Variants in SIAH3 observed in about 807,000 individuals in gnomAD.
SIAH3 encodes the protein seven in absentia homolog 3.
SIAH3 carries 9 observed loss-of-function variants against 12.6 expected under a neutral mutation model. The observed-to-expected ratio is 0.72, with a 90% CI of 0.43 to 1.25. The LOEUF (loss-of-function observed/expected upper bound fraction) is 1.25, where lower values mean the gene tolerates loss of function less well. Ranked by LOEUF, SIAH3 falls within the 50% of genes most tolerant of loss-of-function variation. The pLI, the probability that SIAH3 is intolerant of heterozygous loss-of-function variation, is 0.00. For missense variants in SIAH3, 390 were observed against 365.4 expected (o/e 1.07, Z -0.55); for synonymous variants, 154 against 151.1 (o/e 1.02, Z -0.14).
At chr13:45,789,837 A>G (rs1326403925) in intron 1 of SIAH3, among the ~76,000 whole-genome samples, 1 of 152,226 alleles carries the variant, frequency 6.6e-6, no homozygotes, top group African/African-American at 2.4e-5. Context: ...AATGGCCTCA[A>G]TTAGTACCCA....
Position 45,845,546 on chromosome 13 carries a change from C to T in SIAH3, c.135+5949G>A, listed in dbSNP as rs146731787. On this transcript the variant is annotated intron_variant, in intron 1 of 1. Transcript: ENST00000400405. ...CTATTTCTTTGTGAATATAGTTTGTCTGCTTATAACTTATCCCCATGCTAC... is the reference window on the plus strand; with the variant it reads ...CTATTTCTTTGTGAATATAGTTTGTTTGCTTATAACTTATCCCCATGCTAC... 3.7e-3 allele frequency among the ~76,000 whole-genome samples: 558 copies of T among 152,240 alleles called. 8 individuals are homozygous for T. The East Asian group carries it at 0.04, about 11-fold the overall frequency.
chr13:45,808,495 G>C (rs1950605548), intron 1 of SIAH3, among the ~76,000 whole-genome samples: 1 of 152,136 alleles, frequency 6.6e-6, no homozygotes, highest in South Asian at 2.1e-4. Flanking sequence ...GAACTAGATA[G>C]CCAACATAGT....
chr13:45,779,378 T>C lies in SIAH3; in HGVS notation c.*4005A>G, dbSNP rs1950495561. 6.6e-6 allele frequency: 1 copy of C among 152,090 alleles called. No homozygotes were observed. Among genetic ancestry groups the C allele is most frequent in the African/African-American group, 2.4e-5 (1 of 41,392 alleles). The allele number at this position is 152,090 out of a possible 1,614,324, so 9.4% of individuals were successfully genotyped here. On this transcript the variant is annotated 3_prime_UTR_variant, in exon 2 of 2. Transcript: ENST00000400405. Reference sequence around the variant, plus strand: ...ACCAGAATACAAGCAGCTCTAGTACTCCACTAGGTCTTGGGTTGAAAAAAG... The same window carrying C: ...ACCAGAATACAAGCAGCTCTAGTACCCCACTAGGTCTTGGGTTGAAAAAAG...
chr13:45,848,535 T>C (rs1593390982), intron 1 of SIAH3, among the ~76,000 whole-genome samples: 1 of 152,216 alleles, frequency 6.6e-6, no homozygotes, highest in Non-Finnish European at 1.5e-5. Flanking sequence ...GTAATCACCA[T>C]AATAAGATTG....
At chr13:45,792,360 A>ATTT (rs35546034) in intron 1 of SIAH3, among the ~76,000 whole-genome samples, 4,334 of 145,820 alleles carry the variant, frequency 0.03, 219 homozygotes, top group African/African-American at 0.093. Flanking sequence ...GAAGGTATAA[A>ATTT]TTTTTTTTTT....
chr13:45,838,712 C>G (rs1051794591), intron 1 of SIAH3, among the ~76,000 whole-genome samples: 2 of 152,108 alleles, frequency 1.3e-5, no homozygotes, highest in Non-Finnish European at 2.9e-5. Context: ...CCCTTGGTGA[C>G]TTTTCCCAGA....
chr13:45,819,542 T>C (rs980367961), intron 1 of SIAH3, among the ~76,000 whole-genome samples: 1 of 152,138 alleles, frequency 6.6e-6, no homozygotes, highest in African/African-American at 2.4e-5. Context: ...AATCAGACTT[T>C]GGAAAATTAG....
intron 1 of SIAH3, among the ~76,000 whole-genome samples, chr13:45,801,676 C>T (rs1950582982): frequency 6.6e-6 from 1 of 152,168 alleles, no homozygotes; most frequent in African/African-American, 2.4e-5. Flanking sequence ...TATTCCTATG[C>T]CATCTCTCTG....
intron 1 of SIAH3, among the ~76,000 whole-genome samples, chr13:45,810,492 G>A (rs915105699): frequency 6.6e-5 from 10 of 152,190 alleles, no homozygotes; most frequent in African/African-American, 2.4e-4. Flanking sequence ...AGGTATTGAT[G>A]TGTTCTGGAA....
At chr13:45,798,625 T>G (rs1367614014) in intron 1 of SIAH3, among the ~76,000 whole-genome samples, 1 of 152,192 alleles carries the variant, frequency 6.6e-6, no homozygotes, top group Admixed American at 6.5e-5. Context: ...AACTTCCCAT[T>G]AGAACCGTCC....
rs530610406 is a variant in SIAH3 at position 45,815,494 on chromosome 13, AG to A, written c.136-31438del. On this transcript the variant is annotated intron_variant, in intron 1 of 1. Coordinates refer to ENST00000400405, the MANE Select transcript of SIAH3 (RefSeq NM_198849.3). ...ACTTTGAACTTACCAGGATCGCATG[AG>A]CCAATTTCTTAAAATAAATCTCTCT... 3.0e-4 allele frequency among the ~76,000 whole-genome samples: 45 copies of A among 152,312 alleles called. No individual in the cohort carries two copies. The South Asian group carries it at 9.3e-3, about 32-fold the overall frequency.
intron 1 of SIAH3, among the ~76,000 whole-genome samples, chr13:45,849,671 A>C (rs1345775778): frequency 2.6e-5 from 4 of 152,168 alleles, no homozygotes; most frequent in Non-Finnish European, 1.5e-5. Flanking sequence ...CAGCAAGACG[A>C]CTTGTCAAAA....
At chr13:45,824,877 C>CA (rs57377852) in intron 1 of SIAH3, among the ~76,000 whole-genome samples, 1,621 of 123,796 alleles carry the variant, frequency 0.013, 17 homozygotes, top group Admixed American at 0.041. Flanking sequence ...GACTCTGTCT[C>CA]AAAAAAAAAA....
intron 1 of SIAH3, among the ~76,000 whole-genome samples, chr13:45,848,597 G>A (rs1370701519): frequency 6.6e-6 from 1 of 152,172 alleles, no homozygotes; most frequent in Non-Finnish European, 1.5e-5. Context: ...TTCTTTGCTT[G>A]GTAAGTGAAT....
chr13:45,811,681 T>A (rs1362664060), intron 1 of SIAH3, among the ~76,000 whole-genome samples: 1 of 152,196 alleles, frequency 6.6e-6, no homozygotes, highest in Non-Finnish European at 1.5e-5. Flanking sequence ...GATATTTTCA[T>A]TGCATCTCAG....
chr13:45,799,422 T>G (rs537564717), intron 1 of SIAH3, among the ~76,000 whole-genome samples: 1 of 152,354 alleles, frequency 6.6e-6, no homozygotes, highest in South Asian at 2.1e-4. Flanking sequence ...AAGTATCATA[T>G]GGATGCAAAT....
At chr13:45,816,421 T>G (rs1186258091) in intron 1 of SIAH3, among the ~76,000 whole-genome samples, 1 of 152,182 alleles carries the variant, frequency 6.6e-6, no homozygotes, top group Non-Finnish European at 1.5e-5. Flanking sequence ...AGACAGGGTG[T>G]TTATAGCCAC....
intron 1 of SIAH3, among the ~76,000 whole-genome samples, chr13:45,820,005 G>A (rs1443509367): frequency 6.6e-6 from 1 of 152,182 alleles, no homozygotes; most frequent in Admixed American, 6.5e-5. Context: ...GGAAAGGAAC[G>A]CCGTGTCCTC....
intron 1 of SIAH3, among the ~76,000 whole-genome samples, chr13:45,824,277 A>G (rs1338353958): frequency 6.6e-6 from 1 of 152,216 alleles, no homozygotes; most frequent in Non-Finnish European, 1.5e-5. Context: ...ACAACGCCAC[A>G]TCGAATTCTC....
Sources: gnomAD v4.1 joint callset for allele counts (sites outside exome capture counted in the v4.1 genomes callset) on GRCh38, gnomAD v4.1.1 for gene constraint, MANE v1.5 for transcripts, NCBI Gene and HGNC (gene_info 2026-07-23, HGNC 2026-07-21) for gene names.